COL19A1: variants seen among roughly 807,000 people sequenced by gnomAD.
COL19A1 encodes collagen alpha-1(XIX) chain.
In COL19A1, 159 loss-of-function variants were observed where a neutral mutation model predicts 190.2. The observed-to-expected ratio is 0.84, with a 90% confidence interval of 0.73 to 0.95. The LOEUF (loss-of-function observed/expected upper bound fraction) is 0.95, where lower values mean the gene tolerates loss of function less well. Among genes scored for constraint, COL19A1 ranks in the 40% least tolerant of loss-of-function variants. COL19A1 has a pLI of 0.00. For synonymous variants in COL19A1, 509 were observed against 458.9 expected, an observed-to-expected ratio of 1.11 and a Z score of -1.39; for missense variants, 1,418 against 1,431.9, an observed-to-expected ratio of 0.99 and a Z score of 0.16.
intron 4 of COL19A1, among the ~76,000 whole-genome samples, chr6:69,906,793 T>G (rs1770577668): frequency 6.6e-6 from 1 of 152,202 alleles, no homozygotes; most frequent in Non-Finnish European, 1.5e-5. Context: ...TAATTTAGTT[T>G]CATAGCTTTA....
intron 15 of COL19A1, among the ~76,000 whole-genome samples, chr6:70,095,528 T>C (rs1271294912): frequency 6.6e-6 from 1 of 152,188 alleles, no homozygotes; most frequent in East Asian, 1.9e-4. Flanking sequence ...TTCTTTTGAA[T>C]TGTGGTAAAA....
At chr6:69,966,326 G>A (rs923181558) in intron 11 of COL19A1, among the ~76,000 whole-genome samples, 2 of 152,216 alleles carry the variant, frequency 1.3e-5, no homozygotes, top group Non-Finnish European at 2.9e-5. Flanking sequence ...TTGTGAAATA[G>A]AAAAGGGGGA....
At chr6:70,065,408 T>A (rs1196115923) in intron 14 of COL19A1, among the ~76,000 whole-genome samples, 14 of 152,320 alleles carry the variant, frequency 9.2e-5, no homozygotes, top group African/African-American at 3.1e-4. Context: ...TAGCCGTATG[T>A]AGAAAGCTGA....
intron 31 of COL19A1, 132 bp from the exon 32 acceptor site, chr6:70,155,995 G>A (rs1787405857): frequency 1.5e-6 from 1 of 657,112 alleles, no homozygotes; most frequent in South Asian, 2.2e-5. Context: ...TACATCAAGT[G>A]TCTGAAAGCA....
intron 15 of COL19A1, 41 bp from the exon 16 acceptor site, chr6:70,102,128 G>T: frequency 7.0e-7 from 1 of 1,437,128 alleles, no homozygotes; most frequent in African/African-American, 1.4e-5. Context: ...AAAATATAAT[G>T]GAGTCACAGT....
chr6:69,990,353 T>A (rs1351176646), intron 11 of COL19A1, among the ~76,000 whole-genome samples: 3 of 152,092 alleles, frequency 2.0e-5, no homozygotes, highest in Non-Finnish European at 4.4e-5. Flanking sequence ...ACACTTAAAA[T>A]TTTTAAACAT....
intron 7 of COL19A1, among the ~76,000 whole-genome samples, chr6:69,933,539 G>T (rs1772915206): frequency 2.0e-5 from 3 of 152,032 alleles, no homozygotes; most frequent in Admixed American, 2.0e-4. Context: ...TCTCTTAAGT[G>T]ACTCCTGTTG....
chr6:70,188,815 A>G (rs1375687558), intron 47 of COL19A1, among the ~76,000 whole-genome samples: 1 of 152,200 alleles, frequency 6.6e-6, no homozygotes, highest in Non-Finnish European at 1.5e-5. Context: ...TATTCTGCAG[A>G]GAAATTTAAT....
rs184906440 is a variant in COL19A1 at position 70,211,046 on chromosome 6, A to G, written c.*3772A>G. On this transcript the variant is annotated 3_prime_UTR_variant, in exon 51 of 51. Transcript: ENST00000620364. ...ATCCTACTTTTTAGACAGGACAGAT[A>G]CTCTCAACAGACAAGAAAAAAGATT... Among the ~76,000 whole-genome samples, 152 of 128,856 alleles carry G rather than the reference A, an allele frequency of 1.2e-3. 3 individuals are homozygous for G. In the East Asian group the frequency reaches 0.031, roughly 26 times the overall value. 84.5% of individuals were successfully genotyped at this position (128,856 alleles called of 152,430 possible).
chr6:69,886,487 CA>C, intron 2 of COL19A1, among the ~76,000 whole-genome samples: 1 of 152,088 alleles, frequency 6.6e-6, no homozygotes, highest in Admixed American at 6.5e-5. Flanking sequence ...GGTCTACATC[CA>C]AAAAAGATGA....
chr6:69,870,802 A>G (rs948820336), intron 1 of COL19A1, among the ~76,000 whole-genome samples: 4 of 152,232 alleles, frequency 2.6e-5, no homozygotes, highest in Non-Finnish European at 5.9e-5. Context: ...GCAATTTTCC[A>G]GATTAGGAAT....
chr6:70,133,149 T>C (rs1785626919), intron 18 of COL19A1, among the ~76,000 whole-genome samples: 1 of 152,220 alleles, frequency 6.6e-6, no homozygotes, highest in Non-Finnish European at 1.5e-5. Flanking sequence ...AAGAAGGGAC[T>C]CAGTTTGTGC....
chr6:70,053,659 C>A (rs1310510532), intron 14 of COL19A1, among the ~76,000 whole-genome samples: 1 of 152,072 alleles, frequency 6.6e-6, no homozygotes, highest in Non-Finnish European at 1.5e-5. Flanking sequence ...CATTGACCTG[C>A]AATATAATTC....
At chr6:70,009,345 T>A (rs1478334508) in intron 11 of COL19A1, among the ~76,000 whole-genome samples, 1 of 152,036 alleles carries the variant, frequency 6.6e-6, no homozygotes, top group Non-Finnish European at 1.5e-5. Context: ...TTATTTGATT[T>A]CCGTATACAA....
intron 9 of COL19A1, among the ~76,000 whole-genome samples, chr6:69,947,525 T>G (rs1254690407): frequency 1.3e-5 from 2 of 151,898 alleles, no homozygotes; most frequent in Non-Finnish European, 2.9e-5. Flanking sequence ...TTGCTAAATT[T>G]TTAAAGTTCT....
chr6:69,986,221 T>TTATA (rs57648174), intron 11 of COL19A1, among the ~76,000 whole-genome samples: 1,970 of 138,192 alleles, frequency 0.014, 19 homozygotes, highest in Non-Finnish European at 0.019. Flanking sequence ...CTTACACGTT[T>TTATA]TATATATATA....
intron 12 of COL19A1, among the ~76,000 whole-genome samples, chr6:70,028,887 T>A (rs906834502): frequency 1.3e-5 from 2 of 152,094 alleles, no homozygotes; most frequent in Non-Finnish European, 2.9e-5. Flanking sequence ...GAAACCAAGT[T>A]AAATAAAACA....
At chr6:70,182,968 G>A (rs543152290) in intron 44 of COL19A1, among the ~76,000 whole-genome samples, 156 of 152,234 alleles carry the variant, frequency 1.0e-3, no homozygotes, top group African/African-American at 3.6e-3. Context: ...GAAGATTGAC[G>A]CAACTGGTGG....
Position 70,124,672 on chromosome 6 carries a change from C to T in COL19A1, c.1341+2730C>T, listed in dbSNP as rs62420156. Among the ~76,000 whole-genome samples, 1,416 of 152,188 alleles carry T rather than the reference C, an allele frequency of 9.3e-3. 9 individuals carry two copies. The highest frequency in any genetic ancestry group is 0.014 in the Non-Finnish European group (939 of 68,010). Reference sequence around the variant, plus strand: ...ACCTAAAAGAACCCCAGTTATTCTTCTTGCCATTACAGAATAGAGGCTCAC... The same window carrying T: ...ACCTAAAAGAACCCCAGTTATTCTTTTTGCCATTACAGAATAGAGGCTCAC... On this transcript the variant is annotated intron_variant, in intron 17 of 50. Transcript: ENST00000620364.
Sources: allele counts gnomAD v4.1 joint callset (sites outside exome capture counted in the v4.1 genomes callset), GRCh38; gene constraint gnomAD v4.1.1; transcripts MANE v1.5; gene names NCBI Gene and HGNC (gene_info 2026-07-23, HGNC 2026-07-21).